The following SMIM36 variants were observed in gnomAD, a reference collection of about 807,000 sequenced individuals.
SMIM36 encodes small integral membrane protein 36.
In SMIM36 at chr17:55,472,336, C is replaced by T. The variant is rs961508584; in HGVS notation, c.*348-5008G>A. On this transcript the variant is annotated intron_variant, in intron 3 of 4. Coordinates refer to ENST00000636752, the Ensembl canonical transcript of SMIM36. Reference sequence around the variant, plus strand: ...ACAAGCCAAACTGATTGCTTTAACTCGTGTGCTCTCTCTCGCTAAAGGAAT... The same window carrying T: ...ACAAGCCAAACTGATTGCTTTAACTTGTGTGCTCTCTCTCGCTAAAGGAAT... Among the ~76,000 whole-genome samples the T allele has an allele frequency of 5.3e-5, 8 of 152,218 alleles. 1 individual carries two copies. The highest frequency in any genetic ancestry group is 3.9e-4 in the Admixed American group (6 of 15,290).
At chr17:55,485,808 C>T (rs115925629) in intron 1 of SMIM36, among the ~76,000 whole-genome samples, 2,410 of 152,234 alleles carry the variant, frequency 0.016, 49 homozygotes, top group Middle Eastern at 0.068. Context: ...TATGAGGAAA[C>T]GGAGGCACTG....
intron 1 of SMIM36, among the ~76,000 whole-genome samples, chr17:55,496,484 A>T (rs992785688): frequency 6.6e-6 from 1 of 152,224 alleles, no homozygotes; most frequent in African/African-American, 2.4e-5. Context: ...GGTGTTACAA[A>T]ACCCTTATCT....
the SMIM36 span, among the ~76,000 whole-genome samples, chr17:55,517,589 T>C: frequency 3.9e-5 from 6 of 152,164 alleles, no homozygotes; most frequent in Non-Finnish European, 8.8e-5. Flanking sequence ...AGTTGAGAGA[T>C]GCCTGATTGA....
chr17:55,521,796 G>A, the SMIM36 span, among the ~76,000 whole-genome samples: 1 of 151,986 alleles, frequency 6.6e-6, no homozygotes, highest in Non-Finnish European at 1.5e-5. Flanking sequence ...AAAATCCTGG[G>A]GGCTCTACAT....
chr17:55,510,188 C>A (rs1910156671), intron 1 of SMIM36, among the ~76,000 whole-genome samples: 1 of 149,986 alleles, frequency 6.7e-6, no homozygotes, highest in Admixed American at 6.7e-5. Context: ...GGATTTGAAC[C>A]CAGGCTCCAA....
At chr17:55,501,925 T>C (rs35601482) in intron 1 of SMIM36, among the ~76,000 whole-genome samples, 3,906 of 144,632 alleles carry the variant, frequency 0.027, 108 homozygotes, top group African/African-American at 0.094. Context: ...GCGCAAGGGG[T>C]CAGGGAGTTC....
At chr17:55,494,785 A>G (rs186801080) in intron 1 of SMIM36, among the ~76,000 whole-genome samples, 1 of 152,230 alleles carries the variant, frequency 6.6e-6, no homozygotes, top group Admixed American at 6.5e-5. Context: ...ACTTTTGTAT[A>G]TTTTGTTTGA....
chr17:55,521,520 C>T, the SMIM36 span, among the ~76,000 whole-genome samples: 1 of 152,174 alleles, frequency 6.6e-6, no homozygotes, highest in Non-Finnish European at 1.5e-5. Flanking sequence ...TGGCTTTGGA[C>T]TTTTTATAAC....
chr17:55,512,693 C>A (rs954412444), upstream of SMIM36, among the ~76,000 whole-genome samples: 1 of 152,248 alleles, frequency 6.6e-6, no homozygotes, highest in Non-Finnish European at 1.5e-5. Flanking sequence ...CTGTTGCCAT[C>A]TTGAAATTCT....
intron 1 of SMIM36, among the ~76,000 whole-genome samples, chr17:55,502,518 C>T (rs1442668587): frequency 9.2e-6 from 1 of 108,540 alleles, no homozygotes; most frequent in Non-Finnish European, 1.8e-5. Flanking sequence ...AGGGTCCTGT[C>T]TGTTAGAAGG....
intron 4 of SMIM36, among the ~76,000 whole-genome samples, chr17:55,461,571 C>T (rs987687095): frequency 3.3e-5 from 5 of 152,044 alleles, no homozygotes; most frequent in African/African-American, 1.2e-4. Flanking sequence ...CACTGCACTT[C>T]AGCCTGGACA....
At chr17:55,511,052 C>T (rs1290460818) in exon 1 of SMIM36, 1 of 398,476 alleles carries the variant, frequency 2.5e-6, no homozygotes, top group Middle Eastern at 6.3e-4. Context: ...CTTAGCCAGC[C>T]TCATACCATG....
intron 3 of SMIM36, among the ~76,000 whole-genome samples, chr17:55,475,191 T>C (rs940566802): frequency 4.6e-5 from 7 of 152,090 alleles, no homozygotes; most frequent in African/African-American, 1.7e-4. Context: ...CAACTACTCA[T>C]AAATGCCCTG....
intron 1 of SMIM36, among the ~76,000 whole-genome samples, chr17:55,502,926 T>C (rs201065543): frequency 3.4e-5 from 5 of 147,896 alleles, no homozygotes; most frequent in Admixed American, 2.0e-4. Context: ...ACGTGAAGAA[T>C]GCAGAAGCCT....
chr17:55,495,329 A>T (rs1336130619), intron 1 of SMIM36, among the ~76,000 whole-genome samples: 1 of 152,166 alleles, frequency 6.6e-6, no homozygotes, highest in African/African-American at 2.4e-5. Context: ...GAAACAAACT[A>T]TTTACAACAC....
intron 4 of SMIM36, among the ~76,000 whole-genome samples, chr17:55,464,513 T>C (rs1909202199): frequency 6.6e-6 from 1 of 152,056 alleles, no homozygotes; most frequent in South Asian, 2.1e-4. Flanking sequence ...AAAAAAATTC[T>C]AGAGTTTGGA....
chr17:55,479,774 T>C (rs989343726), intron 1 of SMIM36, among the ~76,000 whole-genome samples, 194 bp from the exon 2 acceptor site: 2 of 152,168 alleles, frequency 1.3e-5, no homozygotes, highest in African/African-American at 4.8e-5. Flanking sequence ...ACAACAATAT[T>C]TTCATCTTAG....
At chr17:55,529,335 T>C in the SMIM36 span, among the ~76,000 whole-genome samples, 5 of 152,198 alleles carry the variant, frequency 3.3e-5, no homozygotes, top group African/African-American at 4.8e-5. Flanking sequence ...TCATACTATA[T>C]ATCCAGGCTG....
chr17:55,462,851 G>T (rs1234255561), intron 4 of SMIM36, among the ~76,000 whole-genome samples: 1 of 152,120 alleles, frequency 6.6e-6, no homozygotes, highest in Non-Finnish European at 1.5e-5. Context: ...CTCAGATGTG[G>T]AGAGGTCCTT....
Sources: allele counts gnomAD v4.1 joint callset (sites outside exome capture counted in the v4.1 genomes callset), GRCh38; gene constraint gnomAD v4.1.1; transcripts MANE v1.5; gene names NCBI Gene and HGNC (gene_info 2026-07-23, HGNC 2026-07-21).